The following SETBP1 variants were observed in gnomAD, a reference collection of about 807,000 sequenced individuals.
The protein encoded by SETBP1 is SET binding protein 1.
Under a neutral mutation model 101.0 loss-of-function variants are expected in SETBP1, and 9 were observed. The ratio of observed to expected loss-of-function variants is 0.09; its 90% CI spans 0.05 to 0.16. SETBP1 has a LOEUF of 0.16. Ranked by LOEUF, SETBP1 falls within the 10% of genes least tolerant of loss-of-function variation. The probability of loss-of-function intolerance (pLI) is 1.00; values close to 1 mark genes in which losing one functional copy is unlikely to be tolerated. For missense variants in SETBP1, 1,858 were observed against 2,033.8 expected (o/e 0.91, Z 1.66); for synonymous variants, 818 against 788.5 (o/e 1.04, Z -0.63).
intron 2 of SETBP1, among the ~76,000 whole-genome samples, chr18:44,703,878 G>C (rs897790680): frequency 6.6e-6 from 1 of 152,060 alleles, no homozygotes; most frequent in African/African-American, 2.4e-5. Context: ...ATTGGAGTTG[G>C]GTCTCTTAAG....
chr18:44,734,152 A>G (rs1271298316), intron 2 of SETBP1, among the ~76,000 whole-genome samples: 1 of 152,228 alleles, frequency 6.6e-6, no homozygotes, highest in Non-Finnish European at 1.5e-5. Context: ...AAATAACAGA[A>G]TAAAATCTCA....
At chr18:45,027,654 G>A (rs373087921) in intron 4 of SETBP1, among the ~76,000 whole-genome samples, 1 of 152,298 alleles carries the variant, frequency 6.6e-6, no homozygotes, top group East Asian at 1.9e-4. Flanking sequence ...GTAGTGCTAA[G>A]AAGTAATCAT....
intron 5 of SETBP1, among the ~76,000 whole-genome samples, chr18:45,052,071 A>C (rs369964755): frequency 6.6e-6 from 1 of 152,266 alleles, no homozygotes; most frequent in Admixed American, 6.5e-5. Context: ...ACTAGGGGGA[A>C]GGCACAACAT....
chr18:44,899,087 TATA>T, intron 3 of SETBP1, among the ~76,000 whole-genome samples: 1 of 152,308 alleles, frequency 6.6e-6, no homozygotes, highest in Admixed American at 6.5e-5. Flanking sequence ...TGAGATAAGG[TATA>T]ATGTTTTTAT....
intron 3 of SETBP1, among the ~76,000 whole-genome samples, chr18:44,937,875 C>T (rs2070998926): frequency 1.3e-5 from 2 of 152,204 alleles, no homozygotes; most frequent in Non-Finnish European, 2.9e-5. Context: ...CTCCAATCTT[C>T]CTCTCTTTCT....
chr18:44,718,375 C>A lies in SETBP1; in HGVS notation c.486+16543C>A, dbSNP rs943766633. ...CCAGGGTCACCAAAAGCTGCAGATC[C>A]CAGAGCTGTGAGAGCAGGAGGAGCG... is the stretch of plus-strand genomic sequence containing the variant. On this transcript the variant is annotated intron_variant, in intron 2 of 5. Transcript: ENST00000649279. Among the ~76,000 whole-genome samples, 5 of 152,154 alleles carry A rather than the reference C, an allele frequency of 3.3e-5. No homozygotes were observed. In the East Asian group the frequency reaches 9.7e-4, roughly 29 times the overall value.
chr18:45,009,577 A>G (rs2072797088), intron 4 of SETBP1, among the ~76,000 whole-genome samples: 1 of 151,902 alleles, frequency 6.6e-6, no homozygotes, highest in Non-Finnish European at 1.5e-5. Flanking sequence ...CCCTTGGCTA[A>G]TACTTTTTTA....
intron 5 of SETBP1, among the ~76,000 whole-genome samples, chr18:45,048,518 C>T (rs548168724): frequency 6.6e-6 from 1 of 152,302 alleles, no homozygotes; most frequent in Admixed American, 6.5e-5. Context: ...TCCAAATACT[C>T]TTATCTCAGG....
Position 45,064,865 on chromosome 18 carries a change from A to G in SETBP1, c.*1167A>G, listed in dbSNP as rs2073947463. The G allele has an allele frequency of 6.6e-6, 1 of 152,114 alleles. No individual in the cohort carries two copies. The highest frequency in any genetic ancestry group is 1.5e-5 in the Non-Finnish European group (1 of 68,022). The allele number at this position is 152,114 out of a possible 1,614,324, so 9.4% of individuals were successfully genotyped here. A position where few individuals can be genotyped will look rare whatever the true frequency, so the allele number is the denominator to read the frequency against. Reference sequence around the variant, plus strand: ...AATAGAAGTCCATTATCCCTTGATAATTATTTCTTAAAAGCAAATGGGAGT... The same window carrying G: ...AATAGAAGTCCATTATCCCTTGATAGTTATTTCTTAAAAGCAAATGGGAGT... On this transcript the variant is annotated 3_prime_UTR_variant, in exon 6 of 6. Transcript: ENST00000649279.
intron 2 of SETBP1, among the ~76,000 whole-genome samples, chr18:44,800,626 C>T (rs761254397): frequency 6.6e-6 from 1 of 152,062 alleles, no homozygotes; most frequent in East Asian, 1.9e-4. Context: ...GCAATGAGGA[C>T]GTTTTTCCAA....
chr18:44,806,906 A>G (rs2071754587), intron 2 of SETBP1, among the ~76,000 whole-genome samples: 1 of 151,716 alleles, frequency 6.6e-6, no homozygotes, highest in Non-Finnish European at 1.5e-5. Context: ...CCACCTAGCC[A>G]TTGCTTTCTC....
chr18:45,031,396 C>A (rs914240573), intron 4 of SETBP1, among the ~76,000 whole-genome samples: 2 of 152,244 alleles, frequency 1.3e-5, no homozygotes, highest in African/African-American at 4.8e-5. Context: ...AATATGTAAA[C>A]TCCTTTAATC....
At position 44,930,331 on chromosome 18, in the gene SETBP1, G is replaced by T. The variant is rs190522460; in HGVS notation, c.541-19550G>T. ...AGCTTTTTGATGTGCTGCTGGATTC[G>T]GTTTGCCAGTATTTTTTTGAGGATT... On this transcript the variant is annotated intron_variant, in intron 3 of 5. Transcript: ENST00000649279. Among the ~76,000 whole-genome samples the T allele has an allele frequency of 5.9e-5, 9 of 152,198 alleles. No homozygotes were observed. In the East Asian group the frequency reaches 1.2e-3, roughly 20 times the overall value.
At chr18:44,935,696 C>T (rs935205082) in intron 3 of SETBP1, among the ~76,000 whole-genome samples, 24 of 152,222 alleles carry the variant, frequency 1.6e-4, no homozygotes, top group African/African-American at 5.5e-4. Flanking sequence ...GAAGGGGAGC[C>T]TTGTGAGCTG....
rs1029376020 is a variant in SETBP1, at chr18:44,701,531, A to T, written c.185A>T (p.Glu62Val). ...GERMEPEEED[E>V]LGSGRDVDSN... ...CGCATGGAGCCAGAGGAGGAGGATG[A>T]ACTAGGCTCAGGGCGGGATGTGGAT... The change falls in exon 2 of 6, where the codon GAA becomes GTA. Residue 62 changes from glutamate to valine, a missense_variant. By Grantham distance (121) the Glu-to-Val change is moderately radical. Around this residue, in one of 12 missense-constraint regions of SETBP1, gnomAD observed 97 missense variants for 101.2 expected, o/e 0.96. Transcript: ENST00000649279. 1 of 1,614,090 alleles carries T rather than the reference A, an allele frequency of 6.2e-7. No individual in the cohort carries two copies. The highest frequency in any genetic ancestry group is 1.7e-5 in the Admixed American group (1 of 60,020).
chr18:44,817,622 T>C (rs1022226148), intron 2 of SETBP1, among the ~76,000 whole-genome samples: 44 of 151,366 alleles, frequency 2.9e-4, no homozygotes, highest in African/African-American at 1.0e-3. Context: ...GAGGCAGAGC[T>C]TGCAGTGAGC....
chr18:45,025,102 A>G (rs2073139511), intron 4 of SETBP1, among the ~76,000 whole-genome samples: 1 of 152,194 alleles, frequency 6.6e-6, no homozygotes, highest in Admixed American at 6.5e-5. Context: ...CCCAAAGTCT[A>G]TTGAGTACAG....
At chr18:44,805,329 A>G (rs770835961) in intron 2 of SETBP1, among the ~76,000 whole-genome samples, 2 of 151,932 alleles carry the variant, frequency 1.3e-5, no homozygotes, top group African/African-American at 2.4e-5. Context: ...TGTCTGAGGG[A>G]TTAACTTATT....
At chr18:44,868,854 G>C (rs1053490495) in intron 2 of SETBP1, among the ~76,000 whole-genome samples, 1 of 152,148 alleles carries the variant, frequency 6.6e-6, no homozygotes, top group African/African-American at 2.4e-5. Flanking sequence ...CAGGAAGAAA[G>C]CCAGGGCCCA....
Sources: gnomAD v4.1 joint callset for allele counts (sites outside exome capture counted in the v4.1 genomes callset) on GRCh38, gnomAD v4.1.1 for gene constraint, gnomAD v4.1.1 regional missense constraint, MANE v1.5 for transcripts, NCBI Gene and HGNC (gene_info 2026-07-23, HGNC 2026-07-21) for gene names.